Variants in PLD5 observed in about 807,000 individuals in gnomAD.
The protein encoded by PLD5 is inactive phospholipase D5.
Under a neutral mutation model 61.1 loss-of-function variants are expected in PLD5, and 36 were observed. That is an observed-to-expected ratio of 0.59 (90% CI 0.45 to 0.78). PLD5 has a LOEUF of 0.78. PLD5 is among the 30% of genes least tolerant of loss of function. PLD5 has a pLI of 0.00. For synonymous variants in PLD5, 243 were observed against 242.8 expected, an observed-to-expected ratio of 1.00 and a Z score of -0.01; for missense variants, 515 against 644.4, an observed-to-expected ratio of 0.80 and a Z score of 2.17.
At chr1:242,454,960 A>G (rs951791620) in intron 1 of PLD5, among the ~76,000 whole-genome samples, 1 of 152,138 alleles carries the variant, frequency 6.6e-6, no homozygotes, top group African/African-American at 2.4e-5. Flanking sequence ...TTACCACAGG[A>G]GGGAGCCCCA....
At chr1:242,149,071 G>A (rs189864973) in intron 5 of PLD5, among the ~76,000 whole-genome samples, 9 of 59,308 alleles carry the variant, frequency 1.5e-4, no homozygotes, top group East Asian at 4.9e-4. Flanking sequence ...TAGTGAGAAC[G>A]TTGTTGCTGA....
chr1:242,438,495 A>G (rs1239444815), intron 1 of PLD5, among the ~76,000 whole-genome samples: 1 of 129,864 alleles, frequency 7.7e-6, no homozygotes, highest in East Asian at 2.5e-4. Context: ...CCCAGGTTGG[A>G]GTGTAATGGT....
intron 1 of PLD5, among the ~76,000 whole-genome samples, chr1:242,375,302 C>T (rs1174869111): frequency 6.6e-6 from 1 of 152,170 alleles, no homozygotes; most frequent in African/African-American, 2.4e-5. Flanking sequence ...TTTAAAGTCC[C>T]CCCATTCTTC....
chr1:242,336,393 T>C (rs2995357), intron 2 of PLD5, among the ~76,000 whole-genome samples: 129,825 of 152,096 alleles, frequency 0.85, 56,396 homozygotes, highest in Non-Finnish European at 0.94. Context: ...AACAACAAAA[T>C]CCCCAAGGAA....
At chr1:242,164,433 T>C (rs1421354300) in intron 5 of PLD5, among the ~76,000 whole-genome samples, 4 of 152,038 alleles carry the variant, frequency 2.6e-5, no homozygotes, top group African/African-American at 7.3e-5. Flanking sequence ...GTATTGTTCT[T>C]GAAGCATGAC....
chr1:242,494,850 G>A (rs1668310808), intron 1 of PLD5, among the ~76,000 whole-genome samples: 1 of 149,440 alleles, frequency 6.7e-6, no homozygotes, highest in Non-Finnish European at 1.5e-5. Context: ...AAAATTGGCT[G>A]ACACAACCCC....
chr1:242,439,482 G>T (rs1047979704), intron 1 of PLD5, among the ~76,000 whole-genome samples: 4 of 152,162 alleles, frequency 2.6e-5, no homozygotes, highest in African/African-American at 9.7e-5. Flanking sequence ...GGCACTAGCG[G>T]GAAAATGAAG....
rs199880915 is a variant in PLD5, at chr1:242,220,160, T to C, written c.608-45A>G. On this transcript the variant is annotated intron_variant, in intron 4 of 9. Transcript: ENST00000536534. ...CTGGTCAGCCTCTGCGTCAAGGCCC[T>C]GCCTGGGCTGTCAGTCACCTACCAG... The C allele has an allele frequency of 1.3e-4, 209 of 1,601,792 alleles. 2 individuals are homozygous for C. The highest frequency in any genetic ancestry group is 3.0e-4 in the Admixed American group (18 of 59,888).
chr1:242,344,878 T>G (rs1660039750), intron 2 of PLD5, among the ~76,000 whole-genome samples: 1 of 152,136 alleles, frequency 6.6e-6, no homozygotes, highest in African/African-American at 2.4e-5. Flanking sequence ...GGACTTACAG[T>G]TCCACAGGGC....
intron 6 of PLD5, among the ~76,000 whole-genome samples, chr1:242,115,347 AT>A (rs1416616102): frequency 6.6e-6 from 1 of 152,104 alleles, no homozygotes; most frequent in Non-Finnish European, 1.5e-5. Flanking sequence ...AATGGAACTT[AT>A]TCTTCCTATC....
chr1:242,145,373 G>A (rs1056407111), intron 5 of PLD5, among the ~76,000 whole-genome samples: 1 of 152,170 alleles, frequency 6.6e-6, no homozygotes, highest in African/African-American at 2.4e-5. Context: ...GTCCCTCATT[G>A]AGGACAATGA....
chr1:242,216,008 C>T (rs1356771265), intron 5 of PLD5, among the ~76,000 whole-genome samples: 1 of 152,236 alleles, frequency 6.6e-6, no homozygotes, highest in Non-Finnish European at 1.5e-5. Flanking sequence ...CTTCTAACAA[C>T]ATGACTGCTT....
At chr1:242,377,632 T>C (rs1373157334) in intron 1 of PLD5, among the ~76,000 whole-genome samples, 1 of 151,660 alleles carries the variant, frequency 6.6e-6, no homozygotes, top group African/African-American at 2.4e-5. Flanking sequence ...GTACAGCTCA[T>C]GGGGGAAAAA....
chr1:242,227,295 C>CA (rs1393022576), intron 4 of PLD5, among the ~76,000 whole-genome samples: 3 of 152,030 alleles, frequency 2.0e-5, no homozygotes, highest in Non-Finnish European at 4.4e-5. Context: ...AGCGATCCTC[C>CA]AGCCATAGCC....
chr1:242,207,931 T>TA (rs10680490), intron 5 of PLD5, among the ~76,000 whole-genome samples: 2,541 of 33,890 alleles, frequency 0.075, 432 homozygotes, highest in South Asian at 0.19. Flanking sequence ...TTTATATATA[T>TA]TTATATATTT....
intron 9 of PLD5, among the ~76,000 whole-genome samples, chr1:242,095,487 C>T (rs977382200): frequency 1.3e-5 from 2 of 152,218 alleles, no homozygotes; most frequent in Non-Finnish European, 2.9e-5. Flanking sequence ...CTGCCTCAGA[C>T]TCCCAAAGTG....
intron 6 of PLD5, among the ~76,000 whole-genome samples, chr1:242,121,327 G>T (rs1012941984): frequency 1.3e-5 from 2 of 152,090 alleles, no homozygotes; most frequent in Non-Finnish European, 2.9e-5. Context: ...TAAATAAATA[G>T]TTATAAAAGT....
At chr1:242,264,717 T>C (rs1346124408) in intron 4 of PLD5, among the ~76,000 whole-genome samples, 4 of 152,104 alleles carry the variant, frequency 2.6e-5, no homozygotes, top group African/African-American at 9.7e-5. Context: ...GATAATAAAT[T>C]CCAGGGAACA....
chr1:242,449,969 G>C (rs998277252), intron 1 of PLD5, among the ~76,000 whole-genome samples: 1 of 152,238 alleles, frequency 6.6e-6, no homozygotes, highest in South Asian at 2.1e-4. Flanking sequence ...CAGGTGGAAA[G>C]AAAAGTTCTT....
Sources: gnomAD v4.1 joint callset for allele counts (sites outside exome capture counted in the v4.1 genomes callset) on GRCh38, gnomAD v4.1.1 for gene constraint, MANE v1.5 for transcripts, NCBI Gene and HGNC (gene_info 2026-07-23, HGNC 2026-07-21) for gene names.